Variants in ATP2B2 observed in about 807,000 individuals in gnomAD.
ATP2B2 encodes the protein ATPase plasma membrane Ca2+ transporting 2.
In ATP2B2, 15 loss-of-function variants were observed where a neutral mutation model predicts 120.0. That is an observed-to-expected ratio of 0.12 (90% CI 0.08 to 0.19). The LOEUF is 0.19. Ranked by LOEUF, ATP2B2 falls within the 10% of genes least tolerant of loss-of-function variation. ATP2B2 has a pLI of 1.00. For missense variants in ATP2B2, 1,045 were observed against 1,719.8 expected (o/e 0.61, Z 6.94); for synonymous variants, 694 against 700.3 (o/e 0.99, Z 0.14).
At chr3:10,663,468 T>C (rs1404637179) in intron 1 of ATP2B2, among the ~76,000 whole-genome samples, 1 of 152,132 alleles carries the variant, frequency 6.6e-6, no homozygotes, top group Non-Finnish European at 1.5e-5. Flanking sequence ...GCAAGCCTGA[T>C]GCTGAGGGGG....
At position 10,690,410 on chromosome 3, in the gene ATP2B2, A is replaced by C. The variant is rs1468041291; in HGVS notation, c.-460+17505T>G. Among the ~76,000 whole-genome samples the C allele has an allele frequency of 2.6e-5, 4 of 151,840 alleles. No homozygotes were observed. In the East Asian group the frequency reaches 7.7e-4, roughly 29 times the overall value. On this transcript the variant is annotated intron_variant, in intron 1 of 21. Coordinates refer to the ATP2B2 transcript ENST00000646379. ...GATGGATAGAGAGCTAACATATAGA[A>C]AAAAACAGAATATCTATATCTATAT... is the stretch of plus-strand genomic sequence containing the variant.
chr3:10,344,827 G>A (rs940130101), intron 18 of ATP2B2, among the ~76,000 whole-genome samples: 7 of 152,152 alleles, frequency 4.6e-5, no homozygotes, highest in African/African-American at 1.4e-4. Context: ...CAGTGCATAG[G>A]GCTGCTCCAG....
chr3:10,605,458 T>C (rs1962654), intron 2 of ATP2B2, among the ~76,000 whole-genome samples: 137,372 of 152,178 alleles, frequency 0.9, 62,056 homozygotes, highest in Middle Eastern at 0.97. Context: ...TCTTTTTCCC[T>C]GCCTGACAAG....
At chr3:10,442,775 A>G (rs2063712764) in intron 2 of ATP2B2, among the ~76,000 whole-genome samples, 2 of 152,258 alleles carry the variant, frequency 1.3e-5, no homozygotes, top group African/African-American at 4.8e-5. Context: ...CCTTGAAGCC[A>G]CACAGAGAGT....
intron 12 of ATP2B2, among the ~76,000 whole-genome samples, chr3:10,367,881 A>G (rs2061111964): frequency 6.6e-6 from 1 of 152,204 alleles, no homozygotes; most frequent in Admixed American, 6.5e-5. Flanking sequence ...AGCAATAATG[A>G]TATGCTCACT....
In ATP2B2 at chr3:10,347,478, C is replaced by T. The variant is rs946561554; in HGVS notation, c.2405-1341G>A. Among the ~76,000 whole-genome samples the T allele has an allele frequency of 6.6e-6, 1 of 152,236 alleles. No homozygotes were observed. The highest frequency in any genetic ancestry group is 2.4e-5 in the African/African-American group (1 of 41,460). On this transcript the variant is annotated intron_variant, in intron 16 of 22. Coordinates refer to ENST00000360273, the MANE Select transcript of ATP2B2 (RefSeq NM_001001331.4). This position sits in a 1 kb window ranked among gnomAD's most constrained non-coding sequence, Gnocchi z 5.2. ...TGGAATGAGGCGCTGAGTTCCATAA[C>T]CTGGGGCACTGTGCCCCCAACCTGC...
chr3:10,368,228 A>G (rs1415024863), intron 12 of ATP2B2, among the ~76,000 whole-genome samples: 1 of 151,808 alleles, frequency 6.6e-6, no homozygotes, highest in Non-Finnish European at 1.5e-5. Flanking sequence ...TGGGAGGTCT[A>G]TGGATCAATG....
rs1339998339 is a variant in ATP2B2, at chr3:10,326,290, AGAGT to A, written c.*2520_*2523del. 1.3e-5 allele frequency: 2 copies of A among 157,154 alleles called. No individual in the cohort carries two copies. The highest frequency in any genetic ancestry group is 2.8e-5 in the Non-Finnish European group (2 of 71,304). 9.7% of individuals were successfully genotyped at this position (157,154 alleles called of 1,614,324 possible). A position where few individuals can be genotyped will look rare whatever the true frequency, so the allele number is the denominator to read the frequency against. ...GTGTGTGTGTATGTGTGCAAGTGTG[AGAGT>A]GAGGGGGTGCATGTGTGCAAGCATC... On this transcript the variant is annotated 3_prime_UTR_variant, in exon 23 of 23. Coordinates refer to ENST00000360273, the MANE Select transcript of ATP2B2 (RefSeq NM_001001331.4).
chr3:10,525,247 T>A lies in ATP2B2; in HGVS notation c.-320+8792A>T, dbSNP rs78805440. Among the ~76,000 whole-genome samples the A allele has an allele frequency of 5.5e-3, 836 of 152,324 alleles. 8 individuals carry two copies. Among genetic ancestry groups the A allele is most frequent in the African/African-American group, 0.018 (756 of 41,572 alleles). On this transcript the variant is annotated intron_variant, in intron 3 of 21. Transcript: ENST00000646379. ...ATCCCCTAACTCCACCCTTGGCAGC[T>A]AAAGCACCGACCAGCCTTTTGGTTG...
In ATP2B2 at chr3:10,342,461, T is replaced by G. The variant is rs1182183806; in HGVS notation, c.2917+291A>C. On this transcript the variant is annotated intron_variant, in intron 19 of 22. Coordinates refer to ENST00000360273, the MANE Select transcript of ATP2B2 (RefSeq NM_001001331.4). This position sits in a 1 kb window ranked among gnomAD's most constrained non-coding sequence, Gnocchi z 4.4. ...AGGTGCCTCTGGGGCTGCCATGCAG[T>G]GCTTCAGCACCCGGTCAGGGCCTTG... 2.6e-5 allele frequency among the ~76,000 whole-genome samples: 4 copies of G among 152,144 alleles called. No homozygotes were observed. Among genetic ancestry groups the G allele is most frequent in the Non-Finnish European group, 5.9e-5 (4 of 68,012 alleles).
intron 2 of ATP2B2, among the ~76,000 whole-genome samples, chr3:10,575,555 C>T (rs2068224924): frequency 6.6e-6 from 1 of 152,180 alleles, no homozygotes; most frequent in Non-Finnish European, 1.5e-5. Context: ...CTGAACTACA[C>T]ACTTATGGGA....
At chr3:10,659,094 G>A (rs1449243012) in intron 1 of ATP2B2, among the ~76,000 whole-genome samples, 1 of 152,058 alleles carries the variant, frequency 6.6e-6, no homozygotes, top group South Asian at 2.1e-4. Context: ...CCTGAAGGAA[G>A]GACTAAACAT....
At chr3:10,390,474 CTGTGTGTGTGTGCGTGCATGCTTT>C (rs1303371569) in intron 5 of ATP2B2, among the ~76,000 whole-genome samples, 1 of 149,320 alleles carries the variant, frequency 6.7e-6, no homozygotes, top group Non-Finnish European at 1.5e-5. Flanking sequence ...GTGTGTGTGC[CTGTGTGTGTGTGCGTGCATGCTTT>C]TGTGTGTGTG....
intron 1 of ATP2B2, among the ~76,000 whole-genome samples, chr3:10,469,048 C>G (rs1437238668): frequency 6.6e-6 from 1 of 151,672 alleles, no homozygotes; most frequent in Non-Finnish European, 1.5e-5. Flanking sequence ...CTTATTTCCA[C>G]TCATCTCGCA....
chr3:10,686,043 C>CTTTTTTTTTTTTTTTTTTTTTTT (rs34073958), intron 1 of ATP2B2, among the ~76,000 whole-genome samples: 10 of 93,210 alleles, frequency 1.1e-4, no homozygotes, highest in African/African-American at 4.1e-4. Flanking sequence ...TTCCTCCTTT[C>CTTTTTTTTTTTTTTTTTTTTTTT]TTTTTTTTTT....
chr3:10,418,706 C>T (rs1161224198), intron 2 of ATP2B2, among the ~76,000 whole-genome samples: 1 of 152,184 alleles, frequency 6.6e-6, no homozygotes, highest in East Asian at 1.9e-4. Flanking sequence ...TATTCAGGGG[C>T]ACTGTCTGGC....
At chr3:10,584,239 C>T (rs994912085) in intron 2 of ATP2B2, among the ~76,000 whole-genome samples, 9 of 152,132 alleles carry the variant, frequency 5.9e-5, no homozygotes, top group African/African-American at 1.9e-4. Flanking sequence ...CAGAGGCCAG[C>T]TTGGCAGGAA....
chr3:10,601,445 C>CCTGGCTGTGCCCCAGG (rs1440420325), intron 2 of ATP2B2, among the ~76,000 whole-genome samples: 1 of 152,156 alleles, frequency 6.6e-6, no homozygotes, highest in Admixed American at 6.5e-5. Context: ...TTGGATCTGG[C>CCTGGCTGTGCCCCAGG]CTGGCTGTGC....
At chr3:10,673,062 G>C (rs549291411) in intron 1 of ATP2B2, among the ~76,000 whole-genome samples, 1 of 152,252 alleles carries the variant, frequency 6.6e-6, no homozygotes, top group African/African-American at 2.4e-5. Context: ...TCCCCCTCTG[G>C]AAAATGGGGG....
Sources: allele counts gnomAD v4.1 joint callset (sites outside exome capture counted in the v4.1 genomes callset), GRCh38; gene constraint gnomAD v4.1.1; non-coding constraint Gnocchi (gnomAD v3.1); transcripts MANE v1.5; gene names NCBI Gene and HGNC (gene_info 2026-07-23, HGNC 2026-07-21).